The following FSTL5 variants were observed in gnomAD, a reference collection of about 807,000 sequenced individuals.
FSTL5 encodes follistatin like 5.
A neutral mutation model predicts 89.1 loss-of-function variants in FSTL5; 62 were observed. The ratio of observed to expected loss-of-function variants is 0.70; its 90% confidence interval spans 0.57 to 0.86. The LOEUF (loss-of-function observed/expected upper bound fraction) is 0.86, where lower values mean the gene tolerates loss of function less well. Ranked by LOEUF, FSTL5 falls within the 40% of genes least tolerant of loss-of-function variation. FSTL5 has a pLI of 0.00. For synonymous variants in FSTL5, 383 were observed against 346.2 expected (o/e 1.11, Z -1.18); for missense variants, 1,057 against 1,001.6 (o/e 1.06, Z -0.75).
rs371281797 is a variant in FSTL5 at position 162,020,280 on chromosome 4, C to T, written c.160+13345G>A. Among the ~76,000 whole-genome samples the T allele has an allele frequency of 8.9e-4, 135 of 151,920 alleles. 1 individual carries two copies. The South Asian group carries it at 0.018, about 20-fold the overall frequency. On this transcript the variant is annotated intron_variant, in intron 3 of 15. Transcript: ENST00000306100. ...AAATTTAAATACTTAAGTTGTTGAACAAAACAGATTCAAGGTAAGTCTGTT... is the reference window on the plus strand; with the variant it reads ...AAATTTAAATACTTAAGTTGTTGAATAAAACAGATTCAAGGTAAGTCTGTT...
At chr4:161,677,144 A>T in intron 6 of FSTL5, among the ~76,000 whole-genome samples, 1 of 152,042 alleles carries the variant, frequency 6.6e-6, no homozygotes, top group Non-Finnish European at 1.5e-5. Context: ...CTGCATTTTG[A>T]TCATAAAATT....
At chr4:161,940,099 A>G (rs1290257687) in intron 3 of FSTL5, among the ~76,000 whole-genome samples, 1 of 151,796 alleles carries the variant, frequency 6.6e-6, no homozygotes, top group African/African-American at 2.4e-5. Context: ...TTATTGTAAG[A>G]GCCAGAATTT....
chr4:161,398,537 A>G (rs1194952300), intron 15 of FSTL5, among the ~76,000 whole-genome samples: 8 of 152,096 alleles, frequency 5.3e-5, no homozygotes, highest in Non-Finnish European at 8.8e-5. Flanking sequence ...TCTTCTTACC[A>G]TATACACTTC....
chr4:161,855,228 G>A (rs960363183), intron 4 of FSTL5, among the ~76,000 whole-genome samples: 1 of 152,016 alleles, frequency 6.6e-6, no homozygotes, highest in African/African-American at 2.4e-5. Flanking sequence ...GCTCTGGGCT[G>A]TGTAAACATA....
At chr4:162,027,178 C>A (rs1338149310) in intron 3 of FSTL5, among the ~76,000 whole-genome samples, 3 of 151,978 alleles carry the variant, frequency 2.0e-5, no homozygotes, top group Admixed American at 6.6e-5. Flanking sequence ...AGAAGGACAT[C>A]CATCAGGATC....
intron 3 of FSTL5, among the ~76,000 whole-genome samples, chr4:161,992,481 T>C (rs1280109936): frequency 2.0e-5 from 3 of 151,874 alleles, no homozygotes; most frequent in Non-Finnish European, 2.9e-5. Flanking sequence ...TAACCATTAA[T>C]TGAGAAGGGA....
chr4:161,437,580 A>AAAAAAAAAAAAAAAAAAAAAAAAAAAAC (rs1560894861), intron 15 of FSTL5, among the ~76,000 whole-genome samples: 1 of 147,494 alleles, frequency 6.8e-6, no homozygotes, highest in African/African-American at 2.5e-5. Context: ...AAAAAAAAAA[A>AAAAAAAAAAAAAAAAAAAAAAAAAAAAC]AACGAGGTCA....
intron 4 of FSTL5, among the ~76,000 whole-genome samples, chr4:161,901,422 T>C (rs1733359904): frequency 6.6e-6 from 1 of 152,094 alleles, no homozygotes; most frequent in South Asian, 2.1e-4. Flanking sequence ...GCAGATACAG[T>C]GAGCAGAGAG....
chr4:161,715,213 G>T (rs1213321868), intron 6 of FSTL5, among the ~76,000 whole-genome samples: 1 of 152,046 alleles, frequency 6.6e-6, no homozygotes, highest in Non-Finnish European at 1.5e-5. Flanking sequence ...CACTCCATTT[G>T]AACATAGAAA....
intron 4 of FSTL5, among the ~76,000 whole-genome samples, chr4:161,792,232 C>T (rs9997751): frequency 0.03 from 4,604 of 152,214 alleles, 78 homozygotes; most frequent in African/African-American, 0.041. Flanking sequence ...GACACTTCAG[C>T]CCCCTGCTGC....
At chr4:161,654,109 A>G (rs1315952688) in intron 7 of FSTL5, among the ~76,000 whole-genome samples, 1 of 152,120 alleles carries the variant, frequency 6.6e-6, no homozygotes, top group Non-Finnish European at 1.5e-5. Context: ...ATATCCAGTG[A>G]TCATTTTTCC....
At chr4:162,023,236 G>A (rs941818717) in intron 3 of FSTL5, among the ~76,000 whole-genome samples, 2 of 152,068 alleles carry the variant, frequency 1.3e-5, no homozygotes, top group African/African-American at 2.4e-5. Flanking sequence ...AGGAAGAAAC[G>A]ATTTTTTAAT....
intron 15 of FSTL5, among the ~76,000 whole-genome samples, chr4:161,400,301 C>T (rs1432196101): frequency 6.6e-6 from 1 of 152,028 alleles, no homozygotes; most frequent in East Asian, 1.9e-4. Context: ...TAGATAGGTA[C>T]ATAAATAGTT....
At chr4:161,786,706 A>T (rs535328263) in intron 4 of FSTL5, among the ~76,000 whole-genome samples, 1 of 152,254 alleles carries the variant, frequency 6.6e-6, no homozygotes, top group East Asian at 1.9e-4. Context: ...CTAGACATGT[A>T]TCTACCATTC....
intron 6 of FSTL5, among the ~76,000 whole-genome samples, chr4:161,660,390 G>C (rs1009276031): frequency 6.6e-6 from 1 of 152,152 alleles, no homozygotes; most frequent in African/African-American, 2.4e-5. Flanking sequence ...AGCGTGATTA[G>C]TGGGTATTTA....
intron 8 of FSTL5, among the ~76,000 whole-genome samples, chr4:161,577,974 G>C (rs1267913441): frequency 2.0e-5 from 3 of 149,224 alleles, no homozygotes; most frequent in Non-Finnish European, 3.0e-5. Context: ...CTCAAATATA[G>C]TTTTTTTTTT....
intron 15 of FSTL5, among the ~76,000 whole-genome samples, chr4:161,392,202 T>A (rs1176252383): frequency 1.3e-5 from 2 of 150,294 alleles, no homozygotes; most frequent in East Asian, 4.0e-4. Flanking sequence ...AATTGGGACA[T>A]ATGGCTAAAT....
intron 4 of FSTL5, among the ~76,000 whole-genome samples, chr4:161,831,615 A>G (rs532072804): frequency 6.6e-6 from 1 of 152,064 alleles, no homozygotes; most frequent in Admixed American, 6.6e-5. Flanking sequence ...AGATTAAATA[A>G]ATTTCAATTT....
intron 13 of FSTL5, among the ~76,000 whole-genome samples, chr4:161,475,104 T>G (rs1734087238): frequency 6.6e-6 from 1 of 150,486 alleles, no homozygotes; most frequent in South Asian, 2.2e-4. Context: ...TTTCTAGTAA[T>G]AAATCTGATA....
Sources: allele counts gnomAD v4.1 joint callset (sites outside exome capture counted in the v4.1 genomes callset), GRCh38; gene constraint gnomAD v4.1.1; transcripts MANE v1.5; gene names NCBI Gene and HGNC (gene_info 2026-07-23, HGNC 2026-07-21).